Variants in PCDH11X observed in about 807,000 individuals in gnomAD.
PCDH11X encodes the protein protocadherin-11 X-linked.
Under a neutral mutation model 53.3 loss-of-function variants are expected in PCDH11X, and 18 were observed. The ratio of observed to expected loss-of-function variants is 0.34; its 90% CI spans 0.23 to 0.50. The LOEUF is 0.50. Among genes scored for constraint, PCDH11X ranks in the 20% least tolerant of loss-of-function variants. The pLI is 0.98. For missense variants in PCDH11X, 570 were observed against 1,032.4 expected (o/e 0.55, Z 6.14); for synonymous variants, 279 against 393.3 (o/e 0.71, Z 3.44).
At chrX:92,131,886 T>C (rs2064977915) in intron 6 of PCDH11X, among the ~76,000 whole-genome samples, 1 of 108,620 alleles carries the variant, frequency 9.2e-6, no homozygotes, top group Non-Finnish European at 1.9e-5. Context: ...TTGTCATGTT[T>C]TAAGGCCTAG....
At chrX:92,180,325 A>G (rs2065974681) in intron 6 of PCDH11X, among the ~76,000 whole-genome samples, 1 of 111,149 alleles carries the variant, frequency 9.0e-6, no homozygotes, top group Admixed American at 9.6e-5. Flanking sequence ...ACAATTTGCC[A>G]TGCCATTTGG....
intron 1 of PCDH11X, among the ~76,000 whole-genome samples, chrX:91,807,011 T>A (rs929390577): frequency 2.2e-4 from 25 of 111,126 alleles, no homozygotes; most frequent in Non-Finnish European, 4.5e-4. Context: ...GTTTATCTTT[T>A]AACAGAAATA....
chrX:92,393,080 G>A (rs1486368729), intron 9 of PCDH11X, among the ~76,000 whole-genome samples: 4 of 110,405 alleles, frequency 3.6e-5, no homozygotes, highest in Non-Finnish European at 7.6e-5. Context: ...TCTTTAAAAT[G>A]CATTTTTGAC....
chrX:91,829,372 G>C (rs2524428), intron 4 of PCDH11X, among the ~76,000 whole-genome samples: 1 of 104,835 alleles, frequency 9.5e-6, no homozygotes, highest in South Asian at 4.3e-4. Flanking sequence ...CTCAAAATAG[G>C]CTTTTCAACA....
At chrX:92,263,319 C>A (rs149232367) in intron 8 of PCDH11X, among the ~76,000 whole-genome samples, 176 bp downstream of exon 8, 180 of 111,560 alleles carry the variant, frequency 1.6e-3, no homozygotes, top group African/African-American at 5.4e-3. Flanking sequence ...TCGCACAGTT[C>A]TGGAAACAAT....
intron 6 of PCDH11X, among the ~76,000 whole-genome samples, chrX:92,110,505 G>GT (rs2064479178): frequency 9.3e-6 from 1 of 108,010 alleles, no homozygotes; most frequent in Non-Finnish European, 1.9e-5. Flanking sequence ...AGGGGAAAGG[G>GT]TGGGATATTG....
intron 9 of PCDH11X, among the ~76,000 whole-genome samples, chrX:92,411,889 A>C: frequency 1.2e-5 from 1 of 83,507 alleles, no homozygotes; most frequent in East Asian, 4.8e-4. Flanking sequence ...AAGAAAAAGA[A>C]GAAGAAGAGG....
chrX:92,245,280 G>A (rs2067328028), intron 7 of PCDH11X, among the ~76,000 whole-genome samples: 1 of 112,087 alleles, frequency 8.9e-6, no homozygotes, highest in African/African-American at 3.2e-5. Flanking sequence ...CACTCAGGAG[G>A]ACTGCTTTTA....
At chrX:92,338,334 T>G (rs1007086368) in intron 8 of PCDH11X, among the ~76,000 whole-genome samples, 8 of 111,884 alleles carry the variant, frequency 7.2e-5, no homozygotes, top group African/African-American at 2.6e-4. Flanking sequence ...TAATCCATGT[T>G]GGGATAGCAG....
At chrX:92,532,170 T>C (rs1473123294) in intron 10 of PCDH11X, among the ~76,000 whole-genome samples, 56 of 111,336 alleles carry the variant, frequency 5.0e-4, no homozygotes, top group Non-Finnish European at 8.5e-4. Context: ...TCTCCCAGAG[T>C]TACCTAGAGA....
intron 8 of PCDH11X, among the ~76,000 whole-genome samples, chrX:92,283,600 A>G (rs1407351810): frequency 8.9e-6 from 1 of 111,866 alleles, no homozygotes; most frequent in Admixed American, 9.5e-5. Context: ...TTCCACATCA[A>G]GTTCTACAAA....
At chrX:92,590,669 T>G (rs1924941541) in intron 10 of PCDH11X, among the ~76,000 whole-genome samples, 1 of 111,662 alleles carries the variant, frequency 9.0e-6, no homozygotes. Context: ...GGGGGAACTA[T>G]CTCCTCAGTT....
chrX:91,911,901 T>G (rs1411955233), intron 6 of PCDH11X, among the ~76,000 whole-genome samples: 2 of 111,275 alleles, frequency 1.8e-5, no homozygotes, highest in African/African-American at 6.5e-5. Flanking sequence ...TAATATTGAT[T>G]CTTCAGTCCA....
chrX:91,825,253 G>C (rs1305790902), intron 4 of PCDH11X, among the ~76,000 whole-genome samples: 3 of 109,550 alleles, frequency 2.7e-5, no homozygotes, highest in African/African-American at 1.1e-4. Context: ...CCTGGGCAAT[G>C]GCGGGTGCCC....
intron 4 of PCDH11X, among the ~76,000 whole-genome samples, chrX:91,823,585 G>A (rs1407563860): frequency 2.7e-5 from 3 of 111,397 alleles, no homozygotes; most frequent in African/African-American, 9.8e-5. Context: ...CGTGGGATGG[G>A]CTTCCTGAAT....
intron 6 of PCDH11X, among the ~76,000 whole-genome samples, chrX:92,091,825 T>C (rs1203053101): frequency 9.0e-6 from 1 of 111,044 alleles, no homozygotes; most frequent in African/African-American, 3.3e-5. Flanking sequence ...GAGCAGGTTG[T>C]AAAATGTTTC....
At chrX:92,178,690 C>A (rs1040834505) in intron 6 of PCDH11X, among the ~76,000 whole-genome samples, 1 of 111,170 alleles carries the variant, frequency 9.0e-6, no homozygotes. Flanking sequence ...TTTTGATTTA[C>A]CAAGGATAGA....
chrX:91,969,789 T>C (rs1271040603), intron 6 of PCDH11X, among the ~76,000 whole-genome samples: 5 of 90,296 alleles, frequency 5.5e-5, no homozygotes, highest in East Asian at 3.8e-4. Context: ...TGAGTCGCCC[T>C]TGTCTCAAAA....
At chrX:92,153,091 C>T (rs1196533584) in intron 6 of PCDH11X, among the ~76,000 whole-genome samples, 1 of 108,173 alleles carries the variant, frequency 9.2e-6, no homozygotes, top group Non-Finnish European at 1.9e-5. Flanking sequence ...TGGCCTCTTT[C>T]GATATTAACT....
Sources: allele counts gnomAD v4.1 joint callset (sites outside exome capture counted in the v4.1 genomes callset), GRCh38; gene constraint gnomAD v4.1.1; transcripts MANE v1.5; gene names NCBI Gene and HGNC (gene_info 2026-07-23, HGNC 2026-07-21).